The following RASSF5 variants were observed in gnomAD, a reference collection of about 807,000 sequenced individuals.
The protein encoded by RASSF5 is Ras association domain family member 5, also known as ras association domain-containing protein 5.
In RASSF5, 25 loss-of-function variants were observed where a neutral mutation model predicts 40.5. The observed-to-expected ratio is 0.62, with a 90% CI of 0.45 to 0.86. The LOEUF (loss-of-function observed/expected upper bound fraction) is 0.86, where lower values mean the gene tolerates loss of function less well. Ranked by LOEUF, RASSF5 falls within the 40% of genes least tolerant of loss-of-function variation. RASSF5 has a pLI of 0.00. For synonymous variants in RASSF5, 246 were observed against 252.4 expected (o/e 0.97, Z 0.24); for missense variants, 521 against 572.8 (o/e 0.91, Z 0.92).
intron 2 of RASSF5, among the ~76,000 whole-genome samples, chr1:206,580,039 A>G (rs1668808016): frequency 6.6e-6 from 1 of 152,218 alleles, no homozygotes; most frequent in Non-Finnish European, 1.5e-5. Context: ...CACCAGCCAG[A>G]GGGCCAGGCC....
chr1:206,508,847 G>A (rs763378466), intron 1 of RASSF5, among the ~76,000 whole-genome samples: 4 of 151,988 alleles, frequency 2.6e-5, no homozygotes, highest in Admixed American at 1.3e-4. Context: ...TGAGCCAGGC[G>A]CTTCTCAAAG....
chr1:206,583,621 T>G (rs1319048487), intron 3 of RASSF5: 2 of 488,408 alleles, frequency 4.1e-6, no homozygotes, highest in African/African-American at 3.9e-5. Flanking sequence ...CTCTTTTAAC[T>G]CCTCCTCTGA....
chr1:206,517,969 T>C (rs1553395629), intron 1 of RASSF5, among the ~76,000 whole-genome samples: 1 of 151,938 alleles, frequency 6.6e-6, no homozygotes, highest in African/African-American at 2.4e-5. Flanking sequence ...GAAGCATTAG[T>C]AATCCACCAT....
chr1:206,557,697 A>G, intron 2 of RASSF5: 1 of 1,614,094 alleles, frequency 6.2e-7, no homozygotes, highest in Non-Finnish European at 8.5e-7. Flanking sequence ...TTCAAAGGTA[A>G]ACATAATAAT....
chr1:206,540,370 C>T (rs1667514934), intron 2 of RASSF5, among the ~76,000 whole-genome samples: 1 of 152,250 alleles, frequency 6.6e-6, no homozygotes, highest in Admixed American at 6.5e-5. Context: ...GACCCCCTTT[C>T]CTCTGCTGGA....
intron 1 of RASSF5, among the ~76,000 whole-genome samples, chr1:206,509,178 G>T (rs1333306211): frequency 1.3e-5 from 2 of 152,224 alleles, no homozygotes; most frequent in African/African-American, 2.4e-5. Context: ...GCAGCCTCAC[G>T]TCTCCCATCC....
chr1:206,529,277 C>T, intron 1 of RASSF5: 2 of 942,600 alleles, frequency 2.1e-6, no homozygotes, highest in South Asian at 2.8e-5. Flanking sequence ...GAGCTGCCGG[C>T]AAAGGGGACG....
chr1:206,573,465 G>A (rs1238308814), intron 2 of RASSF5, among the ~76,000 whole-genome samples: 3 of 152,194 alleles, frequency 2.0e-5, no homozygotes, highest in African/African-American at 7.2e-5. Flanking sequence ...GCCATAGAGG[G>A]CAAGACAGGC....
At chr1:206,520,883 C>T (rs1666887756) in intron 1 of RASSF5, among the ~76,000 whole-genome samples, 1 of 152,142 alleles carries the variant, frequency 6.6e-6, no homozygotes, top group Non-Finnish European at 1.5e-5. Context: ...CATAACTGCT[C>T]CCCGTGGGTC....
At chr1:206,523,505 T>A (rs1385102487) in intron 1 of RASSF5, among the ~76,000 whole-genome samples, 317 of 17,784 alleles carry the variant, frequency 0.018, 3 homozygotes, top group Non-Finnish European at 0.018. Context: ...TTATATATTT[T>A]ATATATTATA....
At position 206,588,970 on chromosome 1, in the gene RASSF5, T is replaced by C. The variant is rs1243502118; in HGVS notation, c.*1992T>C. The C allele has an allele frequency of 6.5e-6, 1 of 152,760 alleles. No homozygotes were observed. Among genetic ancestry groups the C allele is most frequent in the Non-Finnish European group, 1.5e-5 (1 of 68,030 alleles). 9.5% of individuals were successfully genotyped at this position (152,760 alleles called of 1,614,324 possible). A position where few individuals can be genotyped will look rare whatever the true frequency, so the allele number is the denominator to read the frequency against. The stretch of plus-strand genomic sequence containing the variant: ...AGAAGGAAAAAAAAAGTCATGTATA[T>C]ATACACATAAAGGCATATAGCTATA... On this transcript the variant is annotated 3_prime_UTR_variant, in exon 6 of 6. Transcript: ENST00000579436.
At chr1:206,537,136 G>T (rs1667437517) in intron 1 of RASSF5, among the ~76,000 whole-genome samples, 1 of 152,084 alleles carries the variant, frequency 6.6e-6, no homozygotes, top group Admixed American at 6.5e-5. Context: ...GAAAATACTA[G>T]CAGCCTTGGT....
At chr1:206,580,287 A>C (rs1288752876) in intron 2 of RASSF5, among the ~76,000 whole-genome samples, 2 of 152,246 alleles carry the variant, frequency 1.3e-5, no homozygotes, top group Non-Finnish European at 2.9e-5. Flanking sequence ...CTTACGGGGA[A>C]ATGGCTCTAG....
intron 1 of RASSF5, chr1:206,529,764 T>TAA: frequency 2.5e-6 from 1 of 403,826 alleles, no homozygotes; most frequent in Non-Finnish European, 4.4e-6. Flanking sequence ...AATTTTTCCT[T>TAA]CAAAAAAAAA....
intron 2 of RASSF5, chr1:206,557,530 C>A (rs782280839): frequency 8.1e-6 from 13 of 1,609,814 alleles, no homozygotes; most frequent in Non-Finnish European, 1.1e-5. Flanking sequence ...CCAAGCCCGG[C>A]CCCCTTGATG....
intron 1 of RASSF5, among the ~76,000 whole-genome samples, chr1:206,511,645 A>T (rs874717): frequency 0.57 from 86,450 of 151,482 alleles, 25,350 homozygotes; most frequent in African/African-American, 0.72. Flanking sequence ...AGGGAGGCCA[A>T]CTAACCTCCC....
At chr1:206,574,701 C>T (rs1242238586) in intron 2 of RASSF5, among the ~76,000 whole-genome samples, 1 of 152,142 alleles carries the variant, frequency 6.6e-6, no homozygotes, top group Non-Finnish European at 1.5e-5. Flanking sequence ...ATAGAGGGAC[C>T]TGTGGAAATC....
intron 2 of RASSF5, among the ~76,000 whole-genome samples, chr1:206,550,021 CG>C (rs1230867388): frequency 6.6e-6 from 1 of 152,156 alleles, no homozygotes; most frequent in Admixed American, 6.5e-5. Context: ...CCTGTGAACT[CG>C]GGCTGCCTTT....
chr1:206,582,858 T>G (rs1668947521), intron 2 of RASSF5, among the ~76,000 whole-genome samples: 1 of 152,188 alleles, frequency 6.6e-6, no homozygotes, highest in Non-Finnish European at 1.5e-5. Context: ...AGACCATGGC[T>G]TGTATTTCTT....
Sources: gnomAD v4.1 joint callset for allele counts (sites outside exome capture counted in the v4.1 genomes callset) on GRCh38, gnomAD v4.1.1 for gene constraint, MANE v1.5 for transcripts, NCBI Gene and HGNC (gene_info 2026-07-23, HGNC 2026-07-21) for gene names.